The following TAX1BP1 variants were observed in gnomAD, a reference collection of about 807,000 sequenced individuals.
The protein encoded by TAX1BP1 is Tax1 binding protein 1.
A neutral mutation model predicts 97.7 loss-of-function variants in TAX1BP1; 62 were observed. That is an observed-to-expected ratio of 0.63 (90% CI 0.52 to 0.78). The LOEUF (loss-of-function observed/expected upper bound fraction) is 0.78, where lower values mean the gene tolerates loss of function less well. Among genes scored for constraint, TAX1BP1 ranks in the 30% least tolerant of loss-of-function variants. The pLI, the probability that TAX1BP1 is intolerant of heterozygous loss-of-function variation, is 0.00. For missense variants in TAX1BP1, 867 were observed against 916.1 expected (o/e 0.95, Z 0.69); for synonymous variants, 340 against 304.2 (o/e 1.12, Z -1.23).
At chr7:27,741,596 GT>G (rs1227338635) in intron 1 of TAX1BP1, among the ~76,000 whole-genome samples, 2 of 151,846 alleles carry the variant, frequency 1.3e-5, no homozygotes, top group African/African-American at 4.8e-5. Context: ...CGCCTCCCAG[GT>G]TCAAGCGATT....
chr7:27,796,326 A>G (rs1789931650), intron 12 of TAX1BP1, 107 bp downstream of exon 12: 5 of 940,540 alleles, frequency 5.3e-6, no homozygotes, highest in Non-Finnish European at 6.2e-6. Context: ...TTCCATCTCC[A>G]TATAGTGTTA....
At position 27,791,988 on chromosome 7, in the gene TAX1BP1, T is replaced by A; in HGVS notation, c.1039-18T>A. 1 of 1,609,618 alleles carries A rather than the reference T, an allele frequency of 6.2e-7. No individual in the cohort carries two copies. Among genetic ancestry groups the A allele is most frequent in the Non-Finnish European group, 8.5e-7 (1 of 1,176,694 alleles). On this transcript the variant is annotated intron_variant, in intron 8 of 16. Transcript: ENST00000396319. ...CTTGAGTGGTTGAATTACAAATATA[T>A]TTATCTGCTTTCTTCAGGAAGATAC...
intron 2 of TAX1BP1, 23 bp from the exon 3 acceptor site, chr7:27,758,007 GC>G (rs1200390824): frequency 1.3e-6 from 2 of 1,531,116 alleles, no homozygotes; most frequent in Non-Finnish European, 1.8e-6. Flanking sequence ...TTATAAATCC[GC>G]CTTTTTTGTT....
At chr7:27,808,697 A>G (rs1211619871) in intron 13 of TAX1BP1, among the ~76,000 whole-genome samples, 2 of 152,190 alleles carry the variant, frequency 1.3e-5, no homozygotes, top group African/African-American at 4.8e-5. Flanking sequence ...TACCGAAGAA[A>G]AAAAGTATTT....
chr7:27,748,684 A>T lies in TAX1BP1; in HGVS notation c.160A>T (p.Lys54Ter), dbSNP rs975570239. The T allele has an allele frequency of 6.6e-7, 1 of 1,524,168 alleles. No homozygotes were observed. The highest frequency in any genetic ancestry group is 8.9e-7 in the Non-Finnish European group (1 of 1,128,890). The allele number at this position is 1,524,168 out of a possible 1,614,324, so 94.4% of individuals were successfully genotyped here. A position where few individuals can be genotyped will look rare whatever the true frequency, so the allele number is the denominator to read the frequency against. The change falls in exon 2 of 17, where the codon AAG becomes TAG. Residue 54 changes from lysine to a stop codon, truncating the protein, a stop_gained and splice_region_variant. Transcript: ENST00000396319. LOFTEE classifies it high-confidence loss of function. The stretch of plus-strand genomic sequence containing the variant: ...TCCAAAAGATTGGGTTGGTATATTC[A>T]AGGTAAGAAAGCTTTCTGAATATGT... Reference protein sequence around the residue: ...PHPKDWVGIFKVGWSTARDYY... With the variant: ...PHPKDWVGIF
chr7:27,790,665 C>CTA (rs1789669793), intron 8 of TAX1BP1, among the ~76,000 whole-genome samples: 2 of 151,922 alleles, frequency 1.3e-5, no homozygotes, highest in South Asian at 4.1e-4. Context: ...AAACCTATGT[C>CTA]TATACCCTTT....
intron 2 of TAX1BP1, 40 bp downstream of exon 2, chr7:27,748,726 T>TA (rs1562695966): frequency 7.0e-7 from 1 of 1,427,792 alleles, no homozygotes; most frequent in African/African-American, 1.4e-5. Flanking sequence ...TGTAAACACT[T>TA]AAAATTTTCT....
At position 27,828,909 on chromosome 7, in the gene TAX1BP1, AC is replaced by A; in HGVS notation, c.*82del. Reference sequence around the variant, plus strand: ...ACACCTAAAATAGACCACTGAGGAGACCATAGAGCGGATGCTTTCATGCACC... The same window carrying A: ...ACACCTAAAATAGACCACTGAGGAGACATAGAGCGGATGCTTTCATGCACC... On this transcript the variant is annotated 3_prime_UTR_variant, in exon 17 of 17. Coordinates refer to ENST00000396319, the MANE Select transcript of TAX1BP1 (RefSeq NM_006024.7). 1 of 1,203,464 alleles carries A rather than the reference AC, an allele frequency of 8.3e-7. No individual in the cohort carries two copies. Among genetic ancestry groups the A allele is most frequent in the Non-Finnish European group, 1.2e-6 (1 of 866,102 alleles). The allele number at this position is 1,203,464 out of a possible 1,614,324, so 74.5% of individuals were successfully genotyped here. A position where few individuals can be genotyped will look rare whatever the true frequency, so the allele number is the denominator to read the frequency against.
chr7:27,740,547 T>G (rs1180632498), intron 1 of TAX1BP1, among the ~76,000 whole-genome samples: 2 of 152,086 alleles, frequency 1.3e-5, no homozygotes, highest in Non-Finnish European at 2.9e-5. Context: ...GGGACAGGCC[T>G]TCGCGATTTG....
At chr7:27,802,503 G>A (rs1212207911) in intron 13 of TAX1BP1, among the ~76,000 whole-genome samples, 1 of 152,188 alleles carries the variant, frequency 6.6e-6, no homozygotes, top group Non-Finnish European at 1.5e-5. Context: ...GGTGACCAGT[G>A]GGTGATTGCT....
intron 3 of TAX1BP1, among the ~76,000 whole-genome samples, chr7:27,765,526 T>G (rs1274746292): frequency 1.3e-5 from 2 of 152,194 alleles, no homozygotes; most frequent in Non-Finnish European, 2.9e-5. Context: ...CCCTTGCTCC[T>G]CCTCCAGCCT....
chr7:27,815,642 A>G (rs1222343604), intron 13 of TAX1BP1, among the ~76,000 whole-genome samples: 1 of 152,206 alleles, frequency 6.6e-6, no homozygotes, highest in African/African-American at 2.4e-5. Context: ...GCTTTGTAAA[A>G]CAAGTTAGGA....
intron 13 of TAX1BP1, among the ~76,000 whole-genome samples, chr7:27,807,272 A>C (rs907004036): frequency 3.3e-5 from 5 of 152,168 alleles, no homozygotes; most frequent in African/African-American, 1.2e-4. Context: ...TAGGAAGTTT[A>C]ACACTGACAC....
At chr7:27,751,392 C>T (rs1396973735) in intron 2 of TAX1BP1, among the ~76,000 whole-genome samples, 1 of 151,966 alleles carries the variant, frequency 6.6e-6, no homozygotes, top group Non-Finnish European at 1.5e-5. Flanking sequence ...AATAAAATTA[C>T]AAATAATTAT....
In TAX1BP1 at chr7:27,808,351, A is replaced by G. The variant is rs147162411; in HGVS notation, c.1765-7998A>G. Among the ~76,000 whole-genome samples the G allele has an allele frequency of 3.3e-3, 499 of 152,318 alleles. 6 individuals carry two copies. Among genetic ancestry groups the G allele is most frequent in the African/African-American group, 0.011 (477 of 41,570 alleles). On this transcript the variant is annotated intron_variant, in intron 13 of 16. Coordinates refer to ENST00000396319, the MANE Select transcript of TAX1BP1 (RefSeq NM_006024.7). ...TAATATAACTTCCTTTTCTAATTAG[A>G]CTAGGAACCTGGTCTGAGTTTCCTT...
intron 12 of TAX1BP1, among the ~76,000 whole-genome samples, chr7:27,797,458 G>A (rs1789979993): frequency 6.6e-6 from 1 of 151,892 alleles, no homozygotes; most frequent in Non-Finnish European, 1.5e-5. Flanking sequence ...AGTGATTTTT[G>A]TTTGTTTTTT....
rs369667184 is a variant in TAX1BP1, at chr7:27,791,748, A to T, written c.1039-258A>T. On this transcript the variant is annotated intron_variant, in intron 8 of 16. Coordinates refer to ENST00000396319, the MANE Select transcript of TAX1BP1 (RefSeq NM_006024.7). ...TTGGGCAGGTCCTTAAGCACTGGGT[A>T]TGTTGCCTGACTCGCTGTACTTTAG... is the stretch of plus-strand genomic sequence containing the variant. 1.1e-4 allele frequency among the ~76,000 whole-genome samples: 17 copies of T among 152,260 alleles called. No individual in the cohort carries two copies. The South Asian group carries it at 3.5e-3, about 32-fold the overall frequency.
At chr7:27,751,903 T>C (rs1176161376) in intron 2 of TAX1BP1, among the ~76,000 whole-genome samples, 1 of 152,166 alleles carries the variant, frequency 6.6e-6, no homozygotes, top group Non-Finnish European at 1.5e-5. Context: ...TCCACCCGCC[T>C]CAGCCTAAAT....
chr7:27,752,478 T>C (rs1041915399), intron 2 of TAX1BP1, among the ~76,000 whole-genome samples: 2 of 152,148 alleles, frequency 1.3e-5, no homozygotes, highest in African/African-American at 4.8e-5. Flanking sequence ...TCATTCAAAT[T>C]GGGTGTTGGA....
Sources: allele counts gnomAD v4.1 joint callset (sites outside exome capture counted in the v4.1 genomes callset), GRCh38; gene constraint gnomAD v4.1.1; transcripts MANE v1.5; gene names NCBI Gene and HGNC (gene_info 2026-07-23, HGNC 2026-07-21).